The following WWOX variants were observed in gnomAD, a reference collection of about 807,000 sequenced individuals.
The protein encoded by WWOX is WW domain-containing oxidoreductase.
Under a neutral mutation model 46.2 loss-of-function variants are expected in WWOX, and 69 were observed. The ratio of observed to expected loss-of-function variants is 1.49; its 90% CI spans 1.23 to 1.82. The LOEUF (loss-of-function observed/expected upper bound fraction) is 1.82. WWOX is among the 40% of genes most tolerant of loss of function. The pLI, the probability that WWOX is intolerant of heterozygous loss-of-function variation, is 0.00. For missense variants in WWOX, 919 were observed against 542.6 expected (o/e 1.69, Z -6.89); for synonymous variants, 359 against 202.6 (o/e 1.77, Z -6.56).
At chr16:78,730,662 G>T (rs1265218352) in intron 8 of WWOX, among the ~76,000 whole-genome samples, 2 of 141,272 alleles carry the variant, frequency 1.4e-5, no homozygotes, top group African/African-American at 5.3e-5. Context: ...GTCTTGCTGT[G>T]TTGCCCGGGA....
At chr16:78,470,985 C>T (rs2084206874) in intron 8 of WWOX, among the ~76,000 whole-genome samples, 1 of 152,160 alleles carries the variant, frequency 6.6e-6, no homozygotes, top group Non-Finnish European at 1.5e-5. Flanking sequence ...AATCAGAAAC[C>T]AACAGCACGT....
At chr16:78,716,947 A>G (rs1246235564) in intron 8 of WWOX, among the ~76,000 whole-genome samples, 1 of 152,180 alleles carries the variant, frequency 6.6e-6, no homozygotes, top group African/African-American at 2.4e-5. Context: ...CCCTTTCCCA[A>G]GATCAGAGGA....
intron 5 of WWOX, among the ~76,000 whole-genome samples, chr16:78,373,671 T>A (rs978103315): frequency 6.6e-6 from 1 of 152,178 alleles, no homozygotes; most frequent in Non-Finnish European, 1.5e-5. Context: ...TTTCTGCCTT[T>A]CAATGTGTGA....
intron 8 of WWOX, among the ~76,000 whole-genome samples, chr16:79,064,408 G>C (rs535914754): frequency 6.6e-6 from 1 of 152,264 alleles, no homozygotes; most frequent in South Asian, 2.1e-4. Flanking sequence ...AGGTTATTTT[G>C]AAGATTAAAT....
In WWOX at chr16:78,266,382, C is replaced by T. The variant is rs1027990313; in HGVS notation, c.516+102093C>T. Among the ~76,000 whole-genome samples the T allele has an allele frequency of 2.4e-4, 37 of 152,150 alleles. 1 individual carries two copies. The highest frequency in any genetic ancestry group is 4.4e-5 in the Non-Finnish European group (3 of 68,038). On this transcript the variant is annotated intron_variant, in intron 5 of 8. Transcript: ENST00000566780. ...ATCTGTGGCTACTTTTGCACTATGC[C>T]AGCAAAGTTGAGTAGTTGGGATGGA...
chr16:78,219,912 G>T (rs1374468461), intron 5 of WWOX, among the ~76,000 whole-genome samples: 1 of 152,064 alleles, frequency 6.6e-6, no homozygotes, highest in Non-Finnish European at 1.5e-5. Context: ...ACCAAACATT[G>T]TACGTTTTAA....
chr16:78,538,572 T>C (rs1308717417), intron 8 of WWOX, among the ~76,000 whole-genome samples: 1 of 152,192 alleles, frequency 6.6e-6, no homozygotes, highest in African/African-American at 2.4e-5. Flanking sequence ...CCTGAACTGC[T>C]CATTCTGTTC....
At chr16:78,797,533 G>A (rs911939839) in intron 8 of WWOX, among the ~76,000 whole-genome samples, 1 of 152,116 alleles carries the variant, frequency 6.6e-6, no homozygotes, top group East Asian at 1.9e-4. Flanking sequence ...CAGGATTGAG[G>A]CACTGTTCCA....
intron 8 of WWOX, among the ~76,000 whole-genome samples, chr16:78,877,756 G>A (rs2044263479): frequency 1.3e-5 from 2 of 152,104 alleles, no homozygotes; most frequent in Admixed American, 6.6e-5. Context: ...CTTAGCACGT[G>A]GAAGACAATA....
intron 8 of WWOX, among the ~76,000 whole-genome samples, chr16:78,805,509 T>C (rs1379119046): frequency 6.6e-6 from 1 of 152,072 alleles, no homozygotes; most frequent in Non-Finnish European, 1.5e-5. Flanking sequence ...GGTCTCGATT[T>C]CCTGACATCG....
chr16:79,003,508 A>T (rs1009461123), intron 8 of WWOX, among the ~76,000 whole-genome samples: 6 of 152,160 alleles, frequency 3.9e-5, no homozygotes, highest in African/African-American at 1.4e-4. Flanking sequence ...CTGGGTCAGG[A>T]CTCTGGATAG....
intron 8 of WWOX, among the ~76,000 whole-genome samples, chr16:78,471,322 C>A (rs2084214863): frequency 6.6e-6 from 1 of 152,194 alleles, no homozygotes; most frequent in Non-Finnish European, 1.5e-5. Flanking sequence ...GGGTAGCCCT[C>A]GGAGATGAGG....
At chr16:79,166,492 A>T (rs981357632) in intron 8 of WWOX, among the ~76,000 whole-genome samples, 2 of 152,128 alleles carry the variant, frequency 1.3e-5, no homozygotes, top group African/African-American at 4.8e-5. Context: ...TTTCAACGAG[A>T]GTTCAGAACC....
intron 8 of WWOX, among the ~76,000 whole-genome samples, chr16:78,546,333 A>C (rs1323234927): frequency 6.6e-6 from 1 of 152,156 alleles, no homozygotes; most frequent in African/African-American, 2.4e-5. Flanking sequence ...TAGAGAAAAC[A>C]GTAGTGTGAT....
intron 8 of WWOX, among the ~76,000 whole-genome samples, chr16:79,102,898 A>G (rs956185893): frequency 1.3e-5 from 2 of 150,862 alleles, no homozygotes; most frequent in Non-Finnish European, 2.9e-5. Flanking sequence ...ACGCACATGC[A>G]ACCCTGGCTG....
chr16:78,457,982 C>T (rs2083862714), intron 8 of WWOX, among the ~76,000 whole-genome samples: 1 of 150,128 alleles, frequency 6.7e-6, no homozygotes, highest in Non-Finnish European at 1.5e-5. Flanking sequence ...GAGGCTGAGG[C>T]ACCAGAACTG....
chr16:78,646,996 C>T (rs150721630), intron 8 of WWOX, among the ~76,000 whole-genome samples: 2 of 152,056 alleles, frequency 1.3e-5, no homozygotes, highest in Admixed American at 6.5e-5. Context: ...TCTGCTGGGC[C>T]CAGATATACA....
chr16:79,000,367 G>GA lies in WWOX; in HGVS notation c.1057-211239dup, dbSNP rs527946047. ...TATGGGAGGTTACATGGCAGATGGG[G>GA]AATTAAGGTTGCAGATGGAGTTAAG... On this transcript the variant is annotated intron_variant, in intron 8 of 8. Transcript: ENST00000566780. Among the ~76,000 whole-genome samples, 834 of 152,270 alleles carry GA rather than the reference G, an allele frequency of 5.5e-3. 7 individuals are homozygous for GA. Among genetic ancestry groups the GA allele is most frequent in the African/African-American group, 0.019 (796 of 41,554 alleles).
intron 8 of WWOX, among the ~76,000 whole-genome samples, chr16:78,570,652 C>T (rs545596022): frequency 1.4e-3 from 218 of 152,202 alleles, no homozygotes; most frequent in Non-Finnish European, 2.1e-3. Context: ...AGAAGCCAGG[C>T]GTTTCTCAAG....
Sources: gnomAD v4.1 joint callset for allele counts (sites outside exome capture counted in the v4.1 genomes callset) on GRCh38, gnomAD v4.1.1 for gene constraint, MANE v1.5 for transcripts, NCBI Gene and HGNC (gene_info 2026-07-23, HGNC 2026-07-21) for gene names.